The following DPYD variants were observed in gnomAD, a reference collection of about 807,000 sequenced individuals.
DPYD encodes dihydropyrimidine dehydrogenase.
Under a neutral mutation model 116.2 loss-of-function variants are expected in DPYD, and 109 were observed. The ratio of observed to expected loss-of-function variants is 0.94; its 90% CI spans 0.80 to 1.10. The LOEUF (loss-of-function observed/expected upper bound fraction) is 1.10, where lower values mean the gene tolerates loss of function less well. Ranked by LOEUF, DPYD falls within the 50% of genes least tolerant of loss-of-function variation. The pLI, the probability that DPYD is intolerant of heterozygous loss-of-function variation, is 0.00. For missense variants in DPYD, 1,302 were observed against 1,254.5 expected, an observed-to-expected ratio of 1.04 and a Z score of -0.57; for synonymous variants, 440 against 432.0, an observed-to-expected ratio of 1.02 and a Z score of -0.23.
At chr1:97,511,923 C>G (rs535078738) in intron 13 of DPYD, among the ~76,000 whole-genome samples, 1 of 151,980 alleles carries the variant, frequency 6.6e-6, no homozygotes, top group African/African-American at 2.4e-5. Flanking sequence ...AGAAATTTCA[C>G]TGACATTTTC....
At chr1:97,213,275 G>T (rs541467768) in intron 19 of DPYD, among the ~76,000 whole-genome samples, 15 of 152,040 alleles carry the variant, frequency 9.9e-5, no homozygotes, top group Admixed American at 6.6e-5. Context: ...ATTACTGGAG[G>T]TATAAATAAA....
intron 18 of DPYD, among the ~76,000 whole-genome samples, chr1:97,284,298 G>C (rs2100947998): frequency 6.6e-6 from 1 of 151,590 alleles, no homozygotes; most frequent in East Asian, 1.9e-4. Context: ...TTTGACTTTT[G>C]GTTTATGATG....
intron 8 of DPYD, among the ~76,000 whole-genome samples, chr1:97,605,099 C>T (rs1019158086): frequency 1.1e-4 from 16 of 152,016 alleles, no homozygotes; most frequent in Admixed American, 6.6e-5. Flanking sequence ...AAATGCACTG[C>T]GATTTTCCAC....
intron 20 of DPYD, among the ~76,000 whole-genome samples, chr1:97,172,331 A>T (rs557609147): frequency 6.6e-6 from 1 of 152,354 alleles, no homozygotes; most frequent in South Asian, 2.1e-4. Context: ...AACTCATATT[A>T]GGTTCTGACG....
chr1:97,162,817 A>G (rs1464592015), intron 20 of DPYD, among the ~76,000 whole-genome samples: 2 of 152,206 alleles, frequency 1.3e-5, no homozygotes, highest in East Asian at 1.9e-4. Flanking sequence ...AACCCTCAGA[A>G]ATAACGCCAC....
chr1:97,408,081 A>G (rs1673778338), intron 14 of DPYD, among the ~76,000 whole-genome samples: 1 of 152,186 alleles, frequency 6.6e-6, no homozygotes, highest in South Asian at 2.1e-4. Flanking sequence ...TACTATTACC[A>G]TGCCCTATGA....
intron 20 of DPYD, among the ~76,000 whole-genome samples, chr1:97,181,099 C>T (rs1027360194): frequency 1.3e-5 from 2 of 152,072 alleles, no homozygotes; most frequent in African/African-American, 4.8e-5. Flanking sequence ...ATCTCAATGT[C>T]CATGCAGGCA....
chr1:97,115,281 T>A (rs1570480042), intron 20 of DPYD, among the ~76,000 whole-genome samples: 1 of 152,296 alleles, frequency 6.6e-6, no homozygotes, highest in African/African-American at 2.4e-5. Context: ...TATTGCAACA[T>A]TTTGTGTTTG....
chr1:97,487,543 G>T (rs1346552432), intron 13 of DPYD, among the ~76,000 whole-genome samples: 1 of 151,978 alleles, frequency 6.6e-6, no homozygotes, highest in Admixed American at 6.6e-5. Context: ...TGTGGTGGCG[G>T]GCACCTGTAG....
At chr1:97,150,497 A>G (rs998608144) in intron 20 of DPYD, among the ~76,000 whole-genome samples, 33 of 152,212 alleles carry the variant, frequency 2.2e-4, no homozygotes, top group African/African-American at 7.2e-4. Context: ...TCACGTAGGT[A>G]AAATATAATT....
chr1:97,283,030 G>A (rs954568286), intron 18 of DPYD, among the ~76,000 whole-genome samples: 4 of 152,086 alleles, frequency 2.6e-5, no homozygotes, highest in Non-Finnish European at 4.4e-5. Context: ...ACACATGTAT[G>A]CATGTGTCTT....
At chr1:97,227,066 T>G (rs1442137823) in intron 19 of DPYD, among the ~76,000 whole-genome samples, 3 of 151,922 alleles carry the variant, frequency 2.0e-5, no homozygotes, top group Non-Finnish European at 4.4e-5. Flanking sequence ...GGTGGCTCAC[T>G]CCTTTAATCC....
chr1:97,458,774 A>G (rs1238998457), intron 13 of DPYD, among the ~76,000 whole-genome samples: 1 of 152,166 alleles, frequency 6.6e-6, no homozygotes, highest in African/African-American at 2.4e-5. Context: ...GAGCCCCAAA[A>G]TTTAAACTGC....
chr1:97,310,506 T>C (rs1213849509), intron 16 of DPYD, among the ~76,000 whole-genome samples: 1 of 151,848 alleles, frequency 6.6e-6, no homozygotes, highest in Non-Finnish European at 1.5e-5. Context: ...TATCCTTCTA[T>C]GTCAATAAAA....
chr1:97,715,312 C>G (rs1304635415), intron 5 of DPYD, among the ~76,000 whole-genome samples: 3 of 152,092 alleles, frequency 2.0e-5, no homozygotes, highest in Non-Finnish European at 4.4e-5. Flanking sequence ...GGTCTAATCA[C>G]CTCCAAAACC....
At chr1:97,174,779 T>C (rs771913123) in intron 20 of DPYD, among the ~76,000 whole-genome samples, 1 of 152,192 alleles carries the variant, frequency 6.6e-6, no homozygotes, top group African/African-American at 2.4e-5. Flanking sequence ...AATGTATTTA[T>C]AATATGTAGG....
At chr1:97,232,788 T>A (rs1021678683) in intron 19 of DPYD, among the ~76,000 whole-genome samples, 6 of 152,232 alleles carry the variant, frequency 3.9e-5, no homozygotes, top group African/African-American at 1.2e-4. Context: ...TGAGACTTTC[T>A]GTTGTTTCAT....
Position 97,450,059 on chromosome 1 carries a change from G to A in DPYD, c.1905C>T (p.Asn635=), listed in dbSNP as rs3918289. ...GTTTTAGATGTTAAATCACACTTAC[G>A]TTGTCTGGAAAGTCAGCCTTTAGTT... The part of the protein sequence containing the change: ...VTELKADFPD[N]IVIASIMCSY... The change falls in exon 14 of 23, where the codon AAC becomes AAT. Residue 635 remains asparagine (N), a splice_region_variant and synonymous_variant. Transcript: ENST00000370192. 2.7e-4 allele frequency: 428 copies of A among 1,613,610 alleles called. 2 individuals are homozygous for A. Among genetic ancestry groups the A allele is most frequent in the South Asian group, 1.9e-4 (17 of 91,084 alleles).
intron 16 of DPYD, among the ~76,000 whole-genome samples, chr1:97,313,266 G>A (rs557094985): frequency 1.1e-4 from 16 of 151,928 alleles, no homozygotes; most frequent in African/African-American, 3.9e-4. Flanking sequence ...CTATGTACTT[G>A]GAGGAAAATT....
Sources: allele counts gnomAD v4.1 joint callset (sites outside exome capture counted in the v4.1 genomes callset), GRCh38; gene constraint gnomAD v4.1.1; transcripts MANE v1.5; gene names NCBI Gene and HGNC (gene_info 2026-07-23, HGNC 2026-07-21).